ATRNL1: variants seen among roughly 807,000 people sequenced by gnomAD.
The protein encoded by ATRNL1 is attractin like 1.
Under a neutral mutation model 182.7 loss-of-function variants are expected in ATRNL1, and 95 were observed. The observed-to-expected ratio is 0.52, with a 90% CI of 0.44 to 0.62. The LOEUF (loss-of-function observed/expected upper bound fraction) is 0.62. ATRNL1 is among the 20% of genes least tolerant of loss of function. ATRNL1 has a pLI of 0.00. For synonymous variants in ATRNL1, 576 were observed against 568.3 expected (o/e 1.01, Z -0.19); for missense variants, 1,471 against 1,679.5 (o/e 0.88, Z 2.17).
chr10:115,208,795 T>A (rs1218011446), intron 8 of ATRNL1, among the ~76,000 whole-genome samples: 1 of 152,026 alleles, frequency 6.6e-6, no homozygotes, highest in Non-Finnish European at 1.5e-5. Context: ...TCTGCAGATC[T>A]CTGTGTTTTC....
intron 10 of ATRNL1, among the ~76,000 whole-genome samples, chr10:115,245,123 T>C (rs1415005814): frequency 6.6e-6 from 1 of 152,170 alleles, no homozygotes; most frequent in Non-Finnish European, 1.5e-5. Context: ...GGGAAAGTAA[T>C]ATTTTAATGG....
chr10:115,244,141 G>A (rs1004333684), intron 10 of ATRNL1, among the ~76,000 whole-genome samples: 4 of 152,110 alleles, frequency 2.6e-5, no homozygotes, highest in Non-Finnish European at 5.9e-5. Flanking sequence ...TCTTTTCACT[G>A]TGGTACACCA....
At chr10:115,741,570 T>A (rs1403848248) in intron 27 of ATRNL1, among the ~76,000 whole-genome samples, 1 of 152,180 alleles carries the variant, frequency 6.6e-6, no homozygotes, top group Admixed American at 6.5e-5. Flanking sequence ...AGTTTTATGA[T>A]TAATTTTAGA....
chr10:115,924,099 GT>G (rs1423096924), intron 28 of ATRNL1, among the ~76,000 whole-genome samples: 7 of 152,022 alleles, frequency 4.6e-5, no homozygotes, highest in Admixed American at 4.6e-4. Context: ...TTATGGGGTT[GT>G]TTTTTTCTTG....
At chr10:115,657,530 A>G (rs1343060020) in intron 26 of ATRNL1, among the ~76,000 whole-genome samples, 4 of 152,188 alleles carry the variant, frequency 2.6e-5, no homozygotes, top group African/African-American at 9.7e-5. Context: ...ATAAAAATAT[A>G]GTTAGGGATT....
At chr10:115,414,539 T>C (rs1235345354) in intron 20 of ATRNL1, among the ~76,000 whole-genome samples, 7 of 152,090 alleles carry the variant, frequency 4.6e-5, no homozygotes, top group African/African-American at 1.4e-4. Flanking sequence ...TAATTAAATA[T>C]GTTGAACATT....
chr10:115,320,686 T>C (rs1278695291), intron 18 of ATRNL1, among the ~76,000 whole-genome samples: 2 of 152,220 alleles, frequency 1.3e-5, no homozygotes, highest in African/African-American at 4.8e-5. Flanking sequence ...TCACTTCGGC[T>C]ATTGATACTT....
chr10:115,930,887 G>T (rs983095764), intron 28 of ATRNL1, among the ~76,000 whole-genome samples: 3 of 151,992 alleles, frequency 2.0e-5, no homozygotes, highest in Admixed American at 6.6e-5. Flanking sequence ...TCTTCTCTCA[G>T]TTAGCACTTG....
At chr10:115,703,015 A>G (rs1272780949) in intron 26 of ATRNL1, among the ~76,000 whole-genome samples, 1 of 152,038 alleles carries the variant, frequency 6.6e-6, no homozygotes, top group Non-Finnish European at 1.5e-5. Flanking sequence ...AAACTATACT[A>G]CAAGAGTACA....
intron 26 of ATRNL1, among the ~76,000 whole-genome samples, chr10:115,666,156 G>A (rs958860687): frequency 2.0e-4 from 30 of 152,112 alleles, no homozygotes; most frequent in African/African-American, 6.8e-4. Flanking sequence ...TCTTTCTCAA[G>A]CCTCATATTC....
chr10:115,862,367 T>A (rs1951335902), intron 28 of ATRNL1, among the ~76,000 whole-genome samples: 1 of 152,202 alleles, frequency 6.6e-6, no homozygotes, highest in African/African-American at 2.4e-5. Context: ...TGCTTCAGAA[T>A]CATCATGTTT....
At chr10:115,366,849 C>T (rs1411169156) in intron 19 of ATRNL1, among the ~76,000 whole-genome samples, 25 of 144,920 alleles carry the variant, frequency 1.7e-4, no homozygotes, top group South Asian at 6.6e-4. Context: ...TATTGGCCCC[C>T]ACTCTCTTCT....
At chr10:115,904,341 T>C (rs1309898621) in intron 28 of ATRNL1, among the ~76,000 whole-genome samples, 2 of 152,186 alleles carry the variant, frequency 1.3e-5, no homozygotes, top group African/African-American at 4.8e-5. Flanking sequence ...GAAATCTGAC[T>C]AGCACCTTTT....
At chr10:115,246,248 AT>A (rs1180409343) in intron 10 of ATRNL1, among the ~76,000 whole-genome samples, 1 of 152,086 alleles carries the variant, frequency 6.6e-6, no homozygotes, top group East Asian at 1.9e-4. Flanking sequence ...AGGCTATAAG[AT>A]GTTGTATTCA....
chr10:115,197,939 AT>A (rs1554891430), intron 8 of ATRNL1, among the ~76,000 whole-genome samples: 1 of 152,158 alleles, frequency 6.6e-6, no homozygotes, highest in Non-Finnish European at 1.5e-5. Context: ...CCTTAGGTTG[AT>A]TCCATATCTT....
chr10:115,628,544 AAAAT>A (rs1201193525), intron 26 of ATRNL1, among the ~76,000 whole-genome samples: 3 of 152,124 alleles, frequency 2.0e-5, no homozygotes, highest in African/African-American at 7.2e-5. Flanking sequence ...CATTTTCTTT[AAAAT>A]ATTATTTAAT....
At chr10:115,727,495 T>G in intron 27 of ATRNL1, 140 bp downstream of exon 27, 1 of 653,624 alleles carries the variant, frequency 1.5e-6, no homozygotes, top group South Asian at 2.0e-5. Context: ...TGTTATGCCA[T>G]TTTCAAGGCA....
At position 115,156,887 on chromosome 10, in the gene ATRNL1, A is replaced by G. The variant is rs566385024; in HGVS notation, c.830-3153A>G. ...TTGCACATATAGTATGTTCTTATTC[A>G]TAAGTGGGGGCTAAAAAAGTTGATG... On this transcript the variant is annotated intron_variant, in intron 5 of 28. Transcript: ENST00000355044. Among the ~76,000 whole-genome samples the G allele has an allele frequency of 7.8e-4, 118 of 152,202 alleles. No homozygotes were observed. The Middle Eastern group carries it at 0.017, about 22-fold the overall frequency.
chr10:115,121,799 A>G lies in ATRNL1; in HGVS notation c.478A>G (p.Ile160Val), dbSNP rs781982303. 1 of 1,496,598 alleles carries G rather than the reference A, an allele frequency of 6.7e-7. No homozygotes were observed. The highest frequency in any genetic ancestry group is 9.1e-7 in the Non-Finnish European group (1 of 1,093,708). 92.7% of individuals were successfully genotyped at this position (1,496,598 alleles called of 1,614,324 possible). Residue 160 changes from isoleucine (I) to valine (V), a missense_variant, in exon 3 of 29, where the codon ATA (isoleucine) becomes GTA (valine). By Grantham distance (29) the Ile-to-Val change is conservative. This residue lies in a region of ATRNL1 where 1,031 missense variants were observed against 1,156.0 expected (regional missense o/e 0.89). Transcript: ENST00000355044. ...YDGDSIYAPL[I>V]AVLSGLIVPE... ...TGGAGATTCAATATATGCACCTTTA[A>G]TAGCTGTACTTAGGTGAGTAATTAT...
Sources: allele counts gnomAD v4.1 joint callset (sites outside exome capture counted in the v4.1 genomes callset), GRCh38; gene constraint gnomAD v4.1.1; regional missense constraint gnomAD v4.1.1; transcripts MANE v1.5; gene names NCBI Gene and HGNC (gene_info 2026-07-23, HGNC 2026-07-21).